The following LYPLAL1 variants were observed in gnomAD, a reference collection of about 807,000 sequenced individuals.
LYPLAL1 encodes the protein lysophospholipase-like protein 1.
Under a neutral mutation model 19.7 loss-of-function variants are expected in LYPLAL1, and 23 were observed. The observed-to-expected ratio is 1.17, with a 90% CI of 0.84 to 1.65. The LOEUF is 1.65. Among genes scored for constraint, LYPLAL1 ranks in the 40% most tolerant of loss-of-function variants. LYPLAL1 has a pLI of 0.00. For synonymous variants in LYPLAL1, 119 were observed against 96.3 expected, an observed-to-expected ratio of 1.24 and a Z score of -1.38; for missense variants, 355 against 279.4, an observed-to-expected ratio of 1.27 and a Z score of -1.93.
At chr1:219,227,856 ATG>A in the LYPLAL1 span, among the ~76,000 whole-genome samples, 2 of 152,226 alleles carry the variant, frequency 1.3e-5, no homozygotes, top group African/African-American at 4.8e-5. Context: ...TTGCAACAGC[ATG>A]TAATAGAAAA....
chr1:219,307,324 G>T, the LYPLAL1 span, among the ~76,000 whole-genome samples: 2 of 152,252 alleles, frequency 1.3e-5, no homozygotes, highest in Admixed American at 6.5e-5. Flanking sequence ...TTTCTGTTCA[G>T]TGGTGACATT....
At chr1:219,188,319 A>T (rs545158666) in intron 2 of LYPLAL1, among the ~76,000 whole-genome samples, 1 of 151,942 alleles carries the variant, frequency 6.6e-6, no homozygotes, top group East Asian at 1.9e-4. Flanking sequence ...TGCAGGGTAA[A>T]AGGGAGGTAT....
At chr1:219,266,414 A>G in the LYPLAL1 span, among the ~76,000 whole-genome samples, 1 of 152,192 alleles carries the variant, frequency 6.6e-6, no homozygotes, top group Non-Finnish European at 1.5e-5. Context: ...CTTCAGAGGT[A>G]ATAGCAAGCA....
At chr1:219,307,229 G>A in the LYPLAL1 span, among the ~76,000 whole-genome samples, 21 of 152,152 alleles carry the variant, frequency 1.4e-4, no homozygotes, top group Admixed American at 5.2e-4. Flanking sequence ...TGCGTTTCCC[G>A]ACTGTCTTGC....
chr1:219,370,080 A>G, the LYPLAL1 span, among the ~76,000 whole-genome samples: 14 of 152,344 alleles, frequency 9.2e-5, no homozygotes, highest in African/African-American at 3.4e-4. Context: ...GATAGAAGCA[A>G]GAATTGCCTT....
the LYPLAL1 span, among the ~76,000 whole-genome samples, chr1:219,231,808 C>T: frequency 2.4e-4 from 36 of 152,222 alleles, no homozygotes; most frequent in East Asian, 5.2e-3. Context: ...ACATCAATAT[C>T]TATAGACAAC....
chr1:219,381,731 ATCAT>A, the LYPLAL1 span, among the ~76,000 whole-genome samples: 7 of 152,190 alleles, frequency 4.6e-5, no homozygotes, highest in East Asian at 1.9e-4. Context: ...AATATTATGC[ATCAT>A]TCATTCATTC....
chr1:219,315,252 T>C, the LYPLAL1 span, among the ~76,000 whole-genome samples: 1 of 152,194 alleles, frequency 6.6e-6, no homozygotes, highest in Non-Finnish European at 1.5e-5. Flanking sequence ...TACAAGAAAT[T>C]AATGTAACAT....
At chr1:219,231,534 G>T in the LYPLAL1 span, among the ~76,000 whole-genome samples, 1 of 151,942 alleles carries the variant, frequency 6.6e-6, no homozygotes, top group Non-Finnish European at 1.5e-5. Flanking sequence ...GTATATGTGG[G>T]TGTGTATTTC....
At chr1:219,219,870 C>T in the LYPLAL1 span, among the ~76,000 whole-genome samples, 37 of 152,172 alleles carry the variant, frequency 2.4e-4, no homozygotes, top group East Asian at 5.4e-3. Context: ...TGAGGTATGG[C>T]AGGCCTAGCA....
At chr1:219,347,816 T>C in the LYPLAL1 span, among the ~76,000 whole-genome samples, 2 of 152,024 alleles carry the variant, frequency 1.3e-5, no homozygotes, top group East Asian at 3.9e-4. Flanking sequence ...TGAAGCATAT[T>C]TTCCCTTCTT....
intron 3 of LYPLAL1, among the ~76,000 whole-genome samples, chr1:219,202,954 G>A (rs1460236179): frequency 6.6e-6 from 1 of 151,878 alleles, no homozygotes; most frequent in Admixed American, 6.6e-5. Context: ...CCAGAGTGTT[G>A]GTATTATACC....
chr1:219,390,192 G>T, the LYPLAL1 span, among the ~76,000 whole-genome samples: 1 of 152,136 alleles, frequency 6.6e-6, no homozygotes, highest in Admixed American at 6.6e-5. Context: ...AGAAAATGAA[G>T]CCTCCAAATA....
the LYPLAL1 span, among the ~76,000 whole-genome samples, chr1:219,377,834 C>T: frequency 6.6e-6 from 1 of 152,190 alleles, no homozygotes; most frequent in African/African-American, 2.4e-5. Flanking sequence ...AACTCAAAGA[C>T]ACCCAGCTTC....
the LYPLAL1 span, among the ~76,000 whole-genome samples, chr1:219,236,535 A>G: frequency 6.6e-6 from 1 of 152,246 alleles, no homozygotes; most frequent in South Asian, 2.1e-4. Flanking sequence ...TGTCAATAAG[A>G]CATTCTCTTA....
At chr1:219,434,681 C>G in the LYPLAL1 span, among the ~76,000 whole-genome samples, 2 of 152,186 alleles carry the variant, frequency 1.3e-5, no homozygotes, top group Non-Finnish European at 2.9e-5. Context: ...ATCAGCACCA[C>G]TTCAGTTTAG....
In LYPLAL1 at chr1:219,212,634, A is replaced by T. The variant is rs902202922; in HGVS notation, c.*906A>T. ...ACTGTTTAAGTTTTATTAAATATACATTATCCCTATTTGTATAAATAGAAT... is the reference window on the plus strand; with the variant it reads ...ACTGTTTAAGTTTTATTAAATATACTTTATCCCTATTTGTATAAATAGAAT... On this transcript the variant is annotated 3_prime_UTR_variant, in exon 5 of 5. Transcript: ENST00000366928. 1.3e-5 allele frequency: 2 copies of T among 152,034 alleles called. No individual in the cohort carries two copies. The highest frequency in any genetic ancestry group is 2.9e-5 in the Non-Finnish European group (2 of 67,928). 9.4% of individuals were successfully genotyped at this position (152,034 alleles called of 1,614,324 possible).
chr1:219,404,994 T>G, the LYPLAL1 span, among the ~76,000 whole-genome samples: 1 of 152,174 alleles, frequency 6.6e-6, no homozygotes, highest in Non-Finnish European at 1.5e-5. Context: ...TGGAAAAAAA[T>G]GCATAGATAG....
the LYPLAL1 span, among the ~76,000 whole-genome samples, chr1:219,353,117 T>G: frequency 6.6e-6 from 1 of 152,316 alleles, no homozygotes; most frequent in Admixed American, 6.5e-5. Context: ...AAACCGAGGA[T>G]GTAAGCCTTT....
Sources: allele counts gnomAD v4.1 joint callset (sites outside exome capture counted in the v4.1 genomes callset), GRCh38; gene constraint gnomAD v4.1.1; transcripts MANE v1.5; gene names NCBI Gene and HGNC (gene_info 2026-07-23, HGNC 2026-07-21).